Variants in TOP1 observed in about 807,000 individuals in gnomAD.
TOP1 encodes the protein DNA topoisomerase I.
Under a neutral mutation model 111.1 loss-of-function variants are expected in TOP1, and 10 were observed. The observed-to-expected ratio is 0.09, with a 90% CI of 0.06 to 0.15. TOP1 has a LOEUF of 0.15. Ranked by LOEUF, TOP1 falls within the 10% of genes least tolerant of loss-of-function variation. The probability of loss-of-function intolerance (pLI) is 1.00; values close to 1 mark genes in which losing one functional copy is unlikely to be tolerated. For synonymous variants in TOP1, 271 were observed against 302.9 expected, an observed-to-expected ratio of 0.89 and a Z score of 1.10; for missense variants, 474 against 926.7, an observed-to-expected ratio of 0.51 and a Z score of 6.34.
In TOP1 at chr20:41,071,381, T is replaced by C. The variant is rs1045351862; in HGVS notation, c.156-4790T>C. Among the ~76,000 whole-genome samples, 2 of 151,998 alleles carry C rather than the reference T, an allele frequency of 1.3e-5. No individual in the cohort carries two copies. Among genetic ancestry groups the C allele is most frequent in the Non-Finnish European group, 2.9e-5 (2 of 68,002 alleles). Reference sequence around the variant, plus strand: ...TTTTTTTTGAGATGGAGCCTCAGTCTATCGCCAGGCTGGAGTGCAGTGGCG... The same window carrying C: ...TTTTTTTTGAGATGGAGCCTCAGTCCATCGCCAGGCTGGAGTGCAGTGGCG... On this transcript the variant is annotated intron_variant, in intron 3 of 20. Coordinates refer to ENST00000361337, the MANE Select transcript of TOP1 (RefSeq NM_003286.4). This position sits in a 1 kb window ranked among gnomAD's most constrained non-coding sequence, Gnocchi z 4.3.
At chr20:41,036,257 T>C (rs143244135) in intron 2 of TOP1, among the ~76,000 whole-genome samples, 30 of 152,194 alleles carry the variant, frequency 2.0e-4, no homozygotes, top group African/African-American at 7.0e-4. Context: ...CTGCCCTTGA[T>C]TATCTGCTGT....
intron 7 of TOP1, among the ~76,000 whole-genome samples, chr20:41,081,844 T>G (rs539936314): frequency 1.3e-5 from 2 of 152,328 alleles, no homozygotes; most frequent in East Asian, 3.9e-4. Context: ...ACGTAGCACC[T>G]GCTGTTCCTC....
chr20:41,040,218 G>C (rs951142017), intron 2 of TOP1, among the ~76,000 whole-genome samples: 1 of 152,198 alleles, frequency 6.6e-6, no homozygotes. Context: ...CATAAAAGCT[G>C]TTAAAGCTCT....
At chr20:41,039,594 T>C (rs1311844635) in intron 2 of TOP1, among the ~76,000 whole-genome samples, 1 of 152,164 alleles carries the variant, frequency 6.6e-6, no homozygotes, top group East Asian at 1.9e-4. Context: ...CAGACATCCA[T>C]GTTGCATGAA....
rs767650293 is a variant in TOP1 at position 41,077,564 on chromosome 20, T to C, written c.280-18T>C. The C allele has an allele frequency of 5.6e-6, 9 of 1,611,528 alleles. No individual in the cohort carries two copies. The East Asian group carries it at 2.0e-4, about 36-fold the overall frequency. ...TTAGTCCTTTCAAGGTACTAGTTAC[T>C]GTTGTTTTACTTTTCAGGTTCGAGC... On this transcript the variant is annotated intron_variant, in intron 4 of 20. Coordinates refer to ENST00000361337, the MANE Select transcript of TOP1 (RefSeq NM_003286.4).
rs2033800878 is a variant in TOP1, at chr20:41,082,579, G to A, written c.507+1339G>A. Among the ~76,000 whole-genome samples, 1 of 152,196 alleles carries A rather than the reference G, an allele frequency of 6.6e-6. No homozygotes were observed. Among genetic ancestry groups the A allele is most frequent in the African/African-American group, 2.4e-5 (1 of 41,448 alleles). On this transcript the variant is annotated intron_variant, in intron 7 of 20. Coordinates refer to ENST00000361337, the MANE Select transcript of TOP1 (RefSeq NM_003286.4). This position sits in a 1 kb window ranked among gnomAD's most constrained non-coding sequence, Gnocchi z 4.1. The stretch of plus-strand genomic sequence containing the variant: ...TAATTCTGCAAGGAGGGAGAAGAAA[G>A]GTCTTTAATGAAATCATATGAAGAC...
rs918031552 is a variant in TOP1, at chr20:41,123,002, C to T, written c.2196-193C>T. Reference sequence around the variant, plus strand: ...TTTCACTTGTACATCTGCAGAAGCACCTACTTTAGAGATCACTGCCAAGAT... The same window carrying T: ...TTTCACTTGTACATCTGCAGAAGCATCTACTTTAGAGATCACTGCCAAGAT... On this transcript the variant is annotated intron_variant, in intron 20 of 20. Transcript: ENST00000361337. This position sits in a 1 kb window ranked among gnomAD's most constrained non-coding sequence, Gnocchi z 5.8. Among the ~76,000 whole-genome samples the T allele has an allele frequency of 6.6e-5, 10 of 152,196 alleles. No individual in the cohort carries two copies. Among genetic ancestry groups the T allele is most frequent in the Non-Finnish European group, 1.2e-4 (8 of 68,042 alleles).
chr20:41,092,535 A>G lies in TOP1; in HGVS notation c.678A>G (p.Val226=), dbSNP rs1022830514. ...AATTCCTAGAACATAAAGGTCCAGT[A>G]TTTGCCCCACCATATGAGCCTCTTC... ...KWKFLEHKGP[V]FAPPYEPLPE... The change falls in exon 9 of 21, where the codon GTA becomes GTG. Residue 226 remains valine, a synonymous_variant. Transcript: ENST00000361337. This position sits in a 1 kb window ranked among gnomAD's most constrained non-coding sequence, Gnocchi z 4.3. 3.7e-6 allele frequency: 6 copies of G among 1,608,704 alleles called. No individual in the cohort carries two copies. The highest frequency in any genetic ancestry group is 5.1e-6 in the Non-Finnish European group (6 of 1,177,956).
chr20:41,056,405 A>G (rs1274304126), intron 2 of TOP1, among the ~76,000 whole-genome samples: 1 of 152,204 alleles, frequency 6.6e-6, no homozygotes. Flanking sequence ...ATACAATATA[A>G]TAGTCATTAA....
chr20:41,094,324 T>TAAG lies in TOP1; in HGVS notation c.730+1739_730+1741dup, dbSNP rs149017649. Among the ~76,000 whole-genome samples, 1,165 of 152,278 alleles carry TAAG rather than the reference T, an allele frequency of 7.7e-3. 14 individuals are homozygous for TAAG. The highest frequency in any genetic ancestry group is 0.024 in the East Asian group (124 of 5,174). ...ATAACTCAAAGCCAAAACTCCTAAT[T>TAAG]AAGAGAAAGGGCCTAGAACCTTGAA... is the stretch of plus-strand genomic sequence containing the variant. On this transcript the variant is annotated intron_variant, in intron 9 of 20. Transcript: ENST00000361337. The surrounding 1 kb of genome is among the most constrained non-coding windows in gnomAD (Gnocchi z 4.4).
At chr20:41,074,687 A>G (rs946291654) in intron 3 of TOP1, among the ~76,000 whole-genome samples, 16 of 152,224 alleles carry the variant, frequency 1.1e-4, no homozygotes, top group Non-Finnish European at 2.2e-4. Flanking sequence ...GCCTAACTGC[A>G]TGCCATCATT....
rs2033645253 is a variant in TOP1 at position 41,069,446 on chromosome 20, A to G, written c.156-6725A>G. 6.6e-6 allele frequency among the ~76,000 whole-genome samples: 1 copy of G among 152,222 alleles called. No individual in the cohort carries two copies. Among genetic ancestry groups the G allele is most frequent in the South Asian group, 2.1e-4 (1 of 4,832 alleles). On this transcript the variant is annotated intron_variant, in intron 3 of 20. Transcript: ENST00000361337. This position sits in a 1 kb window ranked among gnomAD's most constrained non-coding sequence, Gnocchi z 4.1. ...ATGATATATTGAATAGCACACTAAGATAAAAGTTAAGAGGCTGGGTTCTGT... is the reference window on the plus strand; with the variant it reads ...ATGATATATTGAATAGCACACTAAGGTAAAAGTTAAGAGGCTGGGTTCTGT...
Position 41,106,306 on chromosome 20 carries a change from A to G in TOP1, c.1308+4953A>G, listed in dbSNP as rs2034144747. On this transcript the variant is annotated intron_variant, in intron 13 of 20. Coordinates refer to ENST00000361337, the MANE Select transcript of TOP1 (RefSeq NM_003286.4). The surrounding 1 kb of genome is among the most constrained non-coding windows in gnomAD (Gnocchi z 4.3). ...TTTATAAAGTCTATTGAGTAGGACAAGTTTGTTTCATTCTTCAAAATTGCT... is the reference window on the plus strand; with the variant it reads ...TTTATAAAGTCTATTGAGTAGGACAGGTTTGTTTCATTCTTCAAAATTGCT... 6.6e-6 allele frequency among the ~76,000 whole-genome samples: 1 copy of G among 152,190 alleles called. No individual in the cohort carries two copies. The highest frequency in any genetic ancestry group is 6.5e-5 in the Admixed American group (1 of 15,276).
Position 41,044,645 on chromosome 20 carries a change from T to C in TOP1, c.58+15190T>C, listed in dbSNP as rs564770604. 7.9e-5 allele frequency among the ~76,000 whole-genome samples: 12 copies of C among 152,286 alleles called. No individual in the cohort carries two copies. In the East Asian group the frequency reaches 2.3e-3, roughly 29 times the overall value. ...GGAAAAGTCCTTGACTGGGCTGCAATAGGCAGAGTGGAGAGTGCTAGGAAG... is the reference window on the plus strand; with the variant it reads ...GGAAAAGTCCTTGACTGGGCTGCAACAGGCAGAGTGGAGAGTGCTAGGAAG... On this transcript the variant is annotated intron_variant, in intron 2 of 20. Coordinates refer to ENST00000361337, the MANE Select transcript of TOP1 (RefSeq NM_003286.4).
At chr20:41,063,551 C>G (rs1411012785) in intron 3 of TOP1, among the ~76,000 whole-genome samples, 1 of 152,184 alleles carries the variant, frequency 6.6e-6, no homozygotes, top group Non-Finnish European at 1.5e-5. Flanking sequence ...AATTTACATT[C>G]TCATCAACAG....
intron 2 of TOP1, among the ~76,000 whole-genome samples, chr20:41,053,616 C>G (rs2033432603): frequency 6.6e-6 from 1 of 152,098 alleles, no homozygotes; most frequent in Non-Finnish European, 1.5e-5. Context: ...ATGTCTATTA[C>G]CTTTATAAAG....
rs1262283872 is a variant in TOP1, at chr20:41,046,664, A to G, written c.59-14730A>G. ...GTTGTTCCAGAAATCAGTAAAACCT[A>G]TTTGAGTATTCAAGAAAAAGGATCT... On this transcript the variant is annotated intron_variant, in intron 2 of 20. Transcript: ENST00000361337. The surrounding 1 kb of genome is among the most constrained non-coding windows in gnomAD (Gnocchi z 4.3). Among the ~76,000 whole-genome samples, 1 of 152,204 alleles carries G rather than the reference A, an allele frequency of 6.6e-6. No homozygotes were observed. The highest frequency in any genetic ancestry group is 2.4e-5 in the African/African-American group (1 of 41,444).
rs938095983 is a variant in TOP1 at position 41,122,356 on chromosome 20, T to A, written c.2195+201T>A. 6.6e-6 allele frequency among the ~76,000 whole-genome samples: 1 copy of A among 152,246 alleles called. No individual in the cohort carries two copies. The highest frequency in any genetic ancestry group is 1.5e-5 in the Non-Finnish European group (1 of 68,046). On this transcript the variant is annotated intron_variant, in intron 20 of 20. Coordinates refer to ENST00000361337, the MANE Select transcript of TOP1 (RefSeq NM_003286.4). This position sits in a 1 kb window ranked among gnomAD's most constrained non-coding sequence, Gnocchi z 5.4. The stretch of plus-strand genomic sequence containing the variant: ...TGCATTGCAACATTCTGGTTGCTCC[T>A]AAATGGTCAGTGCTGTTACACTGCC...
At position 41,059,409 on chromosome 20, in the gene TOP1, AAAATAAATAAAT is replaced by A. The variant is rs55866021; in HGVS notation, c.59-1946_59-1935del. On this transcript the variant is annotated intron_variant, in intron 2 of 20. Transcript: ENST00000361337. ...GCCCTTAACTCTGCAAAACTGCTAG[AAAATAAATAAAT>A]AAATAAATAAATAAATAAATAAATA... Among the ~76,000 whole-genome samples the A allele has an allele frequency of 6.7e-3, 926 of 138,094 alleles. 5 individuals are homozygous for A. Among genetic ancestry groups the A allele is most frequent in the South Asian group, 0.015 (63 of 4,206 alleles). The allele number at this position is 138,094 out of a possible 152,430, so 90.6% of individuals were successfully genotyped here.
Sources: allele counts gnomAD v4.1 joint callset (sites outside exome capture counted in the v4.1 genomes callset), GRCh38; gene constraint gnomAD v4.1.1; non-coding constraint Gnocchi (gnomAD v3.1); transcripts MANE v1.5; gene names NCBI Gene and HGNC (gene_info 2026-07-23, HGNC 2026-07-21).